RAB5A: variants seen among roughly 807,000 people sequenced by gnomAD.
RAB5A encodes ras-related protein Rab-5A.
RAB5A carries 8 observed loss-of-function variants against 25.7 expected under a neutral mutation model. That is an observed-to-expected ratio of 0.31 (90% CI 0.18 to 0.56). RAB5A has a LOEUF of 0.56. RAB5A is among the 20% of genes least tolerant of loss of function. RAB5A has a pLI of 0.91. For missense variants in RAB5A, 192 were observed against 259.7 expected, an observed-to-expected ratio of 0.74 and a Z score of 1.79; for synonymous variants, 98 against 89.8, an observed-to-expected ratio of 1.09 and a Z score of -0.52.
At chr3:19,958,836 G>C (rs1302631023) in intron 2 of RAB5A, among the ~76,000 whole-genome samples, 1 of 151,366 alleles carries the variant, frequency 6.6e-6, no homozygotes, top group Non-Finnish European at 1.5e-5. Flanking sequence ...AGGTAGGGGA[G>C]ACTGAGACAT....
In RAB5A at chr3:19,978,530, T is replaced by TGA. The variant is rs954603969; in HGVS notation, c.532+142_532+143dup. 2.9e-4 allele frequency: 168 copies of TGA among 582,596 alleles called. 1 individual carries two copies. The highest frequency in any genetic ancestry group is 2.4e-3 in the East Asian group (85 of 34,926). 36.1% of individuals were successfully genotyped at this position (582,596 alleles called of 1,614,324 possible). On this transcript the variant is annotated intron_variant, in intron 5 of 5. Transcript: ENST00000273047. ...TTGTGTGTATGTTTATGTGTGTGTG[T>TGA]GAGAGAGAGAGAGAGATTATACCAC...
At chr3:19,979,087 C>T (rs887302468) in intron 5 of RAB5A, among the ~76,000 whole-genome samples, 3 of 152,074 alleles carry the variant, frequency 2.0e-5, no homozygotes, top group African/African-American at 4.8e-5. Context: ...AGCGGTTCTC[C>T]TGCTTCTGCC....
intron 2 of RAB5A, chr3:19,970,694 A>AT (rs1293477809): frequency 2.3e-6 from 1 of 427,196 alleles, no homozygotes; most frequent in African/African-American, 2.1e-5. Flanking sequence ...TTTTGGATAA[A>AT]TTAAAGTGGT....
rs1696861702 is a variant in RAB5A at position 19,978,479 on chromosome 3, T to G, written c.532+76T>G. On this transcript the variant is annotated intron_variant, in intron 5 of 5. Transcript: ENST00000273047. ...AAGCATATTTGGTTTGACTGTCTCTTTTTTAAAAAATTTTTGGGGGTGGGT... is the reference window on the plus strand; with the variant it reads ...AAGCATATTTGGTTTGACTGTCTCTGTTTTAAAAAATTTTTGGGGGTGGGT... 3.5e-6 allele frequency: 4 copies of G among 1,142,776 alleles called. No individual in the cohort carries two copies. The Admixed American group carries it at 6.3e-5, about 18-fold the overall frequency. The allele number at this position is 1,142,776 out of a possible 1,614,324, so 70.8% of individuals were successfully genotyped here. A position where few individuals can be genotyped will look rare whatever the true frequency, so the allele number is the denominator to read the frequency against.
At chr3:19,957,619 C>T (rs150498287) in intron 2 of RAB5A, among the ~76,000 whole-genome samples, 1 of 151,712 alleles carries the variant, frequency 6.6e-6, no homozygotes, top group African/African-American at 2.4e-5. Context: ...GCCCAGATAG[C>T]GCCACTGCAT....
intron 1 of RAB5A, among the ~76,000 whole-genome samples, chr3:19,948,317 A>C (rs769158886): frequency 2.8e-4 from 42 of 152,352 alleles, no homozygotes; most frequent in South Asian, 4.1e-4. Context: ...TCACATAATA[A>C]GAAAAAAACA....
intron 2 of RAB5A, among the ~76,000 whole-genome samples, chr3:19,973,633 G>T (rs1258990704): frequency 6.6e-6 from 1 of 151,964 alleles, no homozygotes; most frequent in Non-Finnish European, 1.5e-5. Flanking sequence ...TCTGCTAATT[G>T]TTGGTTAAAA....
intron 2 of RAB5A, among the ~76,000 whole-genome samples, chr3:19,955,492 T>C (rs1696486249): frequency 6.6e-6 from 1 of 152,214 alleles, no homozygotes; most frequent in South Asian, 2.1e-4. Flanking sequence ...ATGATTCTAA[T>C]GGCATGTTAC....
At chr3:19,973,769 G>T (rs1334168413) in intron 2 of RAB5A, among the ~76,000 whole-genome samples, 1 of 152,122 alleles carries the variant, frequency 6.6e-6, no homozygotes, top group Admixed American at 6.5e-5. Context: ...GAAGATTTTA[G>T]TTGTTGATAC....
At chr3:19,981,611 C>T (rs1465206706) in intron 5 of RAB5A, among the ~76,000 whole-genome samples, 1 of 135,994 alleles carries the variant, frequency 7.4e-6, no homozygotes, top group African/African-American at 3.2e-5. Context: ...GAGACTCCGC[C>T]TCAAAAAAAA....
intron 1 of RAB5A, among the ~76,000 whole-genome samples, chr3:19,948,406 T>C (rs1291502855): frequency 6.6e-6 from 1 of 152,228 alleles, no homozygotes; most frequent in African/African-American, 2.4e-5. Flanking sequence ...ACTCAGCATT[T>C]GTATAAACAA....
intron 2 of RAB5A, among the ~76,000 whole-genome samples, chr3:19,961,853 T>C (rs1351020551): frequency 6.6e-6 from 1 of 152,234 alleles, no homozygotes; most frequent in Non-Finnish European, 1.5e-5. Flanking sequence ...TCAGATGTAC[T>C]GTAATACACT....
chr3:19,969,246 A>G (rs1195024276), intron 2 of RAB5A, among the ~76,000 whole-genome samples: 3 of 151,762 alleles, frequency 2.0e-5, no homozygotes, highest in East Asian at 1.9e-4. Flanking sequence ...GGGTTTCACC[A>G]TGTTCCTGGC....
At chr3:19,950,615 T>TA (rs111502549) in intron 1 of RAB5A, among the ~76,000 whole-genome samples, 191 bp from the exon 2 acceptor site, 19 of 149,356 alleles carry the variant, frequency 1.3e-4, no homozygotes, top group East Asian at 3.9e-4. Context: ...GGTTAGCCTT[T>TA]AAAAAAAAAA....
At chr3:19,969,038 TTTTTTGG>T (rs1490119134) in intron 2 of RAB5A, among the ~76,000 whole-genome samples, 1 of 73,924 alleles carries the variant, frequency 1.4e-5, no homozygotes, top group African/African-American at 1.1e-4. Context: ...TTGGTTTTTT[TTTTTTGG>T]TTTTTTTTTT....
At chr3:19,950,666 A>G (rs1696409356) in intron 1 of RAB5A, 140 bp from the exon 2 acceptor site, 3 of 385,234 alleles carry the variant, frequency 7.8e-6, no homozygotes. Context: ...AATTTCCTTT[A>G]AAAGATAGTG....
intron 2 of RAB5A, among the ~76,000 whole-genome samples, chr3:19,960,537 G>A (rs148079621): frequency 0.011 from 1,648 of 152,260 alleles, 17 homozygotes; most frequent in Middle Eastern, 0.031. Flanking sequence ...CTGAGCTCAA[G>A]CAATCAACCT....
intron 2 of RAB5A, 28 bp from the exon 3 acceptor site, chr3:19,975,573 T>G: frequency 6.3e-7 from 1 of 1,599,774 alleles, no homozygotes; most frequent in Non-Finnish European, 8.5e-7. Context: ...AGAAAAATGA[T>G]TGACTTATTG....
intron 2 of RAB5A, among the ~76,000 whole-genome samples, chr3:19,973,747 T>C (rs1696783929): frequency 6.6e-6 from 1 of 152,180 alleles, no homozygotes; most frequent in Non-Finnish European, 1.5e-5. Context: ...ACAGTATTGT[T>C]TGCAAAATTC....
Sources: gnomAD v4.1 joint callset for allele counts (sites outside exome capture counted in the v4.1 genomes callset) on GRCh38, gnomAD v4.1.1 for gene constraint, MANE v1.5 for transcripts, NCBI Gene and HGNC (gene_info 2026-07-23, HGNC 2026-07-21) for gene names.